Variants in EDA observed in about 807,000 individuals in gnomAD.
EDA encodes the protein ectodysplasin-A.
In EDA, 2 loss-of-function variants were observed where a neutral mutation model predicts 23.6. The ratio of observed to expected loss-of-function variants is 0.08; its 90% CI spans 0.03 to 0.27. The LOEUF (loss-of-function observed/expected upper bound fraction) is 0.27. Among genes scored for constraint, EDA ranks in the 10% least tolerant of loss-of-function variants. The probability of loss-of-function intolerance (pLI) is 1.00; values close to 1 mark genes in which losing one functional copy is unlikely to be tolerated. For synonymous variants in EDA, 131 were observed against 132.0 expected, an observed-to-expected ratio of 0.99 and a Z score of 0.05; for missense variants, 229 against 324.2, an observed-to-expected ratio of 0.71 and a Z score of 2.26.
intron 2 of EDA, among the ~76,000 whole-genome samples, chrX:69,981,759 C>A (rs143009591): frequency 0.022 from 2,478 of 112,039 alleles, 33 homozygotes; most frequent in Non-Finnish European, 0.034. Flanking sequence ...TATTATTATT[C>A]TCATTTTATA....
intron 1 of EDA, among the ~76,000 whole-genome samples, chrX:69,887,121 C>T (rs1370052453): frequency 9.0e-6 from 1 of 110,941 alleles, no homozygotes; most frequent in South Asian, 3.8e-4. Flanking sequence ...AATTAATAGC[C>T]TAGGCAGCAT....
intron 1 of EDA, among the ~76,000 whole-genome samples, chrX:69,903,956 G>A (rs1373847524): frequency 9.2e-6 from 1 of 108,791 alleles, no homozygotes; most frequent in Admixed American, 9.8e-5. Flanking sequence ...GATTACAGGC[G>A]CCCACCACCA....
chrX:69,807,093 A>G (rs1367484956), intron 1 of EDA, among the ~76,000 whole-genome samples: 1 of 110,968 alleles, frequency 9.0e-6, no homozygotes, highest in Non-Finnish European at 1.9e-5. Context: ...TTAAGCAGTT[A>G]AAAAGAGTAA....
chrX:70,003,803 A>C (rs2019768466), intron 2 of EDA, among the ~76,000 whole-genome samples: 1 of 112,213 alleles, frequency 8.9e-6, no homozygotes, highest in South Asian at 3.7e-4. Flanking sequence ...TTCAATGAAG[A>C]AATCTGTTTT....
At chrX:69,633,324 A>C (rs374221992) in intron 1 of EDA, among the ~76,000 whole-genome samples, 8 of 112,430 alleles carry the variant, frequency 7.1e-5, no homozygotes, top group African/African-American at 2.6e-4. Flanking sequence ...TTTATTATGA[A>C]GTTTCAATTT....
rs774884567 is a variant in EDA at position 70,030,443 on chromosome X, ACT to A, written c.742-21_742-20del. On this transcript the variant is annotated intron_variant, in intron 5 of 7. Transcript: ENST00000374552. ...CAAGCAGCCATTACTCATAGTGACT[ACT>A]CTCTATCCTTCTCATCCTGCCAGCC... The A allele has an allele frequency of 2.3e-5, 27 of 1,185,790 alleles. No individual in the cohort carries two copies. In the African/African-American group the frequency reaches 3.7e-4, roughly 16 times the overall value.
rs546794432 is a variant in EDA at position 69,745,706 on chromosome X, G to T, written c.396+129002G>T. Among the ~76,000 whole-genome samples, 141 of 111,921 alleles carry T rather than the reference G, an allele frequency of 1.3e-3. 6 individuals are homozygous for T. The South Asian group carries it at 0.052, about 41-fold the overall frequency. On this transcript the variant is annotated intron_variant, in intron 1 of 7. Coordinates refer to ENST00000374552, the MANE Select transcript of EDA (RefSeq NM_001399.5). ...TAAATTATGAAAATGAAGATCTTCT[G>T]GCTGGGCATGGTGGCTCACACCTGT... is the stretch of plus-strand genomic sequence containing the variant.
chrX:69,811,990 C>T (rs1206059616), intron 1 of EDA, among the ~76,000 whole-genome samples: 1 of 111,306 alleles, frequency 9.0e-6, no homozygotes, highest in African/African-American at 3.3e-5. Flanking sequence ...AAAGCTGTCA[C>T]CAATTATACA....
At chrX:69,811,937 C>G (rs991330342) in intron 1 of EDA, among the ~76,000 whole-genome samples, 3 of 111,331 alleles carry the variant, frequency 2.7e-5, no homozygotes, top group African/African-American at 9.8e-5. Flanking sequence ...ATCACCTTGT[C>G]CTGATGTGGG....
At chrX:69,729,616 A>G (rs2012945343) in intron 1 of EDA, among the ~76,000 whole-genome samples, 1 of 111,835 alleles carries the variant, frequency 8.9e-6, no homozygotes, top group South Asian at 3.8e-4. Flanking sequence ...ACATAAGTCA[A>G]ATCGTGTCCC....
At chrX:69,771,910 G>A (rs1372949484) in intron 1 of EDA, among the ~76,000 whole-genome samples, 1 of 112,085 alleles carries the variant, frequency 8.9e-6, no homozygotes, top group Non-Finnish European at 1.9e-5. Context: ...GCTACTTACT[G>A]AGAGATTTTT....
chrX:70,031,202 C>T (rs2020194485), intron 6 of EDA, among the ~76,000 whole-genome samples: 1 of 112,292 alleles, frequency 8.9e-6, no homozygotes, highest in Non-Finnish European at 1.9e-5. Flanking sequence ...GTATGAGCTC[C>T]TTTTTACAAG....
intron 1 of EDA, among the ~76,000 whole-genome samples, chrX:69,767,532 A>T (rs183013468): frequency 1.1e-3 from 117 of 111,070 alleles, no homozygotes; most frequent in African/African-American, 3.8e-3. Context: ...CCATGCTGTC[A>T]TGTATATAAA....
chrX:69,640,345 A>C, intron 1 of EDA, among the ~76,000 whole-genome samples: 1 of 112,237 alleles, frequency 8.9e-6, no homozygotes. Flanking sequence ...TAATATATGT[A>C]AAATGTTCAG....
Position 69,753,778 on chromosome X carries a change from T to G in EDA, c.396+137074T>G, listed in dbSNP as rs748073425. 5.4e-5 allele frequency among the ~76,000 whole-genome samples: 6 copies of G among 111,935 alleles called. No homozygotes were observed. The South Asian group carries it at 2.3e-3, about 42-fold the overall frequency. ...TGCTCCTGTCTTGGGTGCATATATA[T>G]TTAGGATAGTTGGCTCTTCTTGTTG... is the stretch of plus-strand genomic sequence containing the variant. On this transcript the variant is annotated intron_variant, in intron 1 of 7. Coordinates refer to ENST00000374552, the MANE Select transcript of EDA (RefSeq NM_001399.5).
intron 2 of EDA, among the ~76,000 whole-genome samples, chrX:69,978,299 T>C (rs1249642854): frequency 1.3e-5 from 1 of 79,909 alleles, no homozygotes. Flanking sequence ...GCCTGGCCAA[T>C]GTAGTGAAAC....
At chrX:69,809,343 A>G (rs1405996504) in intron 1 of EDA, among the ~76,000 whole-genome samples, 5 of 111,433 alleles carry the variant, frequency 4.5e-5, no homozygotes, top group Admixed American at 2.9e-4. Flanking sequence ...GAGAGCAAAG[A>G]GGGAAGTGCT....
intron 1 of EDA, among the ~76,000 whole-genome samples, chrX:69,893,356 G>A (rs1190321873): frequency 1.8e-5 from 2 of 111,557 alleles, no homozygotes; most frequent in Non-Finnish European, 3.8e-5. Context: ...AAACAAGGCC[G>A]CATTCACAGG....
At chrX:69,825,829 G>A (rs1321911147) in intron 1 of EDA, among the ~76,000 whole-genome samples, 1 of 110,315 alleles carries the variant, frequency 9.1e-6, no homozygotes, top group Non-Finnish European at 1.9e-5. Context: ...TTCTCTTGTG[G>A]GCATTTAGTG....
Sources: gnomAD v4.1 joint callset for allele counts (sites outside exome capture counted in the v4.1 genomes callset) on GRCh38, gnomAD v4.1.1 for gene constraint, MANE v1.5 for transcripts, NCBI Gene and HGNC (gene_info 2026-07-23, HGNC 2026-07-21) for gene names.